Variants in INPP5F observed in about 807,000 individuals in gnomAD.
INPP5F encodes phosphatidylinositide 4-phosphatase SAC2.
In INPP5F, 97 loss-of-function variants were observed where a neutral mutation model predicts 137.2. The observed-to-expected ratio is 0.71, with a 90% CI of 0.60 to 0.84. The LOEUF is 0.84. Among genes scored for constraint, INPP5F ranks in the 40% least tolerant of loss-of-function variants. INPP5F has a pLI of 0.00. For synonymous variants in INPP5F, 504 were observed against 476.9 expected (o/e 1.06, Z -0.74); for missense variants, 1,271 against 1,371.9 (o/e 0.93, Z 1.16).
chr10:119,760,530 T>C (rs918927831), intron 2 of INPP5F, among the ~76,000 whole-genome samples: 1 of 152,238 alleles, frequency 6.6e-6, no homozygotes, highest in Non-Finnish European at 1.5e-5. Flanking sequence ...GCTTTCTGTA[T>C]TTATTTCCTC....
intron 6 of INPP5F, among the ~76,000 whole-genome samples, chr10:119,793,248 A>G (rs1589720582): frequency 6.6e-6 from 1 of 152,226 alleles, no homozygotes; most frequent in Admixed American, 6.5e-5. Flanking sequence ...TGGCAGCATA[A>G]ATTTCTCTAT....
intron 2 of INPP5F, among the ~76,000 whole-genome samples, chr10:119,776,873 C>T (rs902369339): frequency 6.6e-6 from 1 of 152,194 alleles, no homozygotes; most frequent in Non-Finnish European, 1.5e-5. Context: ...ACCTCAGCCT[C>T]CTGAGTAGCT....
At chr10:119,806,582 TACA>T (rs1850798336) in intron 12 of INPP5F, 102 bp downstream of exon 12, 1 of 1,077,710 alleles carries the variant, frequency 9.3e-7, no homozygotes, top group East Asian at 2.7e-5. Flanking sequence ...AAATATTCTT[TACA>T]ACATTTACAA....
At chr10:119,729,427 T>G (rs1313465911) in intron 1 of INPP5F, among the ~76,000 whole-genome samples, 1 of 152,130 alleles carries the variant, frequency 6.6e-6, no homozygotes, top group African/African-American at 2.4e-5. Context: ...GATTATAGGC[T>G]TGACCCACTG....
Position 119,791,954 on chromosome 10 carries a change from A to G in INPP5F, c.530A>G (p.Tyr177Cys), listed in dbSNP as rs1437351279. 3 of 1,614,188 alleles carry G rather than the reference A, an allele frequency of 1.9e-6. No individual in the cohort carries two copies. Among genetic ancestry groups the G allele is most frequent in the East Asian group, 2.2e-5 (1 of 44,888 alleles). Residue 177 changes from tyrosine to cysteine, a missense_variant, in exon 5 of 20, where the codon TAT becomes TGT. Tyr to Cys is a radical substitution (Grantham distance 194). Around this residue, in one of 6 missense-constraint regions of INPP5F, gnomAD observed 11 missense variants for 33.9 expected, o/e 0.32. Transcript: ENST00000650623. Reference protein sequence around the residue: ...LKMFMDSESFYYSLTYDLTNS... With the variant: ...LKMFMDSESFCYSLTYDLTNS... The stretch of plus-strand genomic sequence containing the variant: ...ATGTTCATGGACTCAGAATCCTTTT[A>G]TTATAGCTTGACCTATGACCTGACC...
chr10:119,728,486 C>T (rs1022906071), intron 1 of INPP5F, among the ~76,000 whole-genome samples: 1 of 152,120 alleles, frequency 6.6e-6, no homozygotes. Flanking sequence ...AGTTTTGCTG[C>T]TGTTTGTAGT....
At chr10:119,778,010 T>C (rs929975883) in intron 2 of INPP5F, among the ~76,000 whole-genome samples, 6 of 152,090 alleles carry the variant, frequency 3.9e-5, no homozygotes, top group Non-Finnish European at 8.8e-5. Context: ...TTTTATTATT[T>C]ATTTATTTAT....
chr10:119,764,323 G>C (rs1164654461), intron 2 of INPP5F, among the ~76,000 whole-genome samples: 1 of 151,946 alleles, frequency 6.6e-6, no homozygotes, highest in Non-Finnish European at 1.5e-5. Flanking sequence ...GCGCGCATGT[G>C]CTTGCATACA....
At chr10:119,733,758 G>A (rs1848150489) in intron 1 of INPP5F, among the ~76,000 whole-genome samples, 1 of 152,190 alleles carries the variant, frequency 6.6e-6, no homozygotes, top group African/African-American at 2.4e-5. Flanking sequence ...CAGAAACTAA[G>A]GTGCACTGAC....
At chr10:119,807,101 T>C (rs1361807609) in intron 12 of INPP5F, among the ~76,000 whole-genome samples, 1 of 152,050 alleles carries the variant, frequency 6.6e-6, no homozygotes, top group Non-Finnish European at 1.5e-5. Context: ...CGAGACCCCC[T>C]GTCTACTAAA....
chr10:119,735,294 A>G (rs1276881635), intron 1 of INPP5F, among the ~76,000 whole-genome samples: 3 of 152,104 alleles, frequency 2.0e-5, no homozygotes, highest in African/African-American at 7.2e-5. Context: ...TTTTAATTTC[A>G]GTTTCCTTCA....
intron 11 of INPP5F, 29 bp downstream of exon 11, chr10:119,805,490 C>T (rs1468606164): frequency 5.6e-6 from 8 of 1,436,572 alleles, no homozygotes; most frequent in East Asian, 2.3e-5. Context: ...CTCCTTTTTA[C>T]AGACTCTGGG....
chr10:119,818,052 C>T (rs1304986037), intron 15 of INPP5F, among the ~76,000 whole-genome samples: 1 of 152,218 alleles, frequency 6.6e-6, no homozygotes, highest in Non-Finnish European at 1.5e-5. Context: ...TCGCCGGATA[C>T]AGAGAACTAG....
intron 1 of INPP5F, among the ~76,000 whole-genome samples, chr10:119,729,938 A>G (rs1264892460): frequency 1.3e-5 from 2 of 150,802 alleles, no homozygotes; most frequent in Non-Finnish European, 1.5e-5. Flanking sequence ...CATTATTTAA[A>G]CTTTTTCAGG....
chr10:119,798,283 A>G (rs7893759), intron 8 of INPP5F, among the ~76,000 whole-genome samples: 10,488 of 152,100 alleles, frequency 0.069, 479 homozygotes, highest in South Asian at 0.26. Flanking sequence ...CTACGTGAAA[A>G]CTTTTCTGAG....
chr10:119,823,261 A>G lies in INPP5F; in HGVS notation c.2161+62A>G, dbSNP rs1851631529. The stretch of plus-strand genomic sequence containing the variant: ...CTTTCTATTTATTCTTAAAAGCCCA[A>G]ATGGAATTGGGGACATTTCATATCA... On this transcript the variant is annotated intron_variant, in intron 18 of 19. Transcript: ENST00000650623. The G allele has an allele frequency of 3.3e-6, 5 of 1,529,002 alleles. No individual in the cohort carries two copies. In the East Asian group the frequency reaches 1.2e-4, roughly 36 times the overall value. The allele number at this position is 1,529,002 out of a possible 1,614,324, so 94.7% of individuals were successfully genotyped here.
At chr10:119,781,439 CTAAT>C (rs1849701701) in intron 2 of INPP5F, among the ~76,000 whole-genome samples, 192 bp from the exon 3 acceptor site, 1 of 152,152 alleles carries the variant, frequency 6.6e-6, no homozygotes, top group Non-Finnish European at 1.5e-5. Context: ...TTACATTTCT[CTAAT>C]TATGAGTGAG....
chr10:119,817,937 C>T (rs1589752340), intron 15 of INPP5F, among the ~76,000 whole-genome samples: 2 of 152,268 alleles, frequency 1.3e-5, no homozygotes, highest in Non-Finnish European at 1.5e-5. Flanking sequence ...ACTGCAGTCC[C>T]AGCTGCGTTT....
chr10:119,747,435 G>A (rs972779671), intron 1 of INPP5F, among the ~76,000 whole-genome samples: 11 of 152,064 alleles, frequency 7.2e-5, no homozygotes, highest in African/African-American at 2.7e-4. Context: ...ATGTTGGCCA[G>A]GCTGAACTCC....
Sources: allele counts gnomAD v4.1 joint callset (sites outside exome capture counted in the v4.1 genomes callset), GRCh38; gene constraint gnomAD v4.1.1; regional missense constraint gnomAD v4.1.1; transcripts MANE v1.5; gene names NCBI Gene and HGNC (gene_info 2026-07-23, HGNC 2026-07-21).